The following RGPD2 variants were observed in gnomAD, a reference collection of about 807,000 sequenced individuals.
The protein encoded by RGPD2 is RANBP2-like and GRIP domain-containing protein 2.
Under a neutral mutation model 36.0 loss-of-function variants are expected in RGPD2, and 2 were observed. The ratio of observed to expected loss-of-function variants is 0.06; its 90% CI spans 0.02 to 0.17. The LOEUF (loss-of-function observed/expected upper bound fraction) is 0.17, where lower values mean the gene tolerates loss of function less well. RGPD2 is among the 10% of genes least tolerant of loss of function. RGPD2 has a pLI of 1.00. For missense variants in RGPD2, 40 were observed against 464.3 expected (o/e 0.09, Z 8.40); for synonymous variants, 19 against 163.8 (o/e 0.12, Z 6.75).
the RGPD2 span, among the ~76,000 whole-genome samples, chr2:87,977,516 T>C: frequency 6.6e-6 from 1 of 151,456 alleles, no homozygotes; most frequent in Non-Finnish European, 1.5e-5. Context: ...AAATGGTCAC[T>C]ATATAACATG....
chr2:87,985,764 A>C, the RGPD2 span: 3 of 1,610,104 alleles, frequency 1.9e-6, no homozygotes. Context: ...GTTAAAACCC[A>C]TCACGTTCAT....
At chr2:87,825,907 A>C, upstream of RGPD2, 1 of 789,424 alleles carries the variant, frequency 1.3e-6, no homozygotes, top group Non-Finnish European at 1.9e-6. Context: ...CTCGAGCTGC[A>C]CTCGGCCGGG....
At chr2:87,965,227 TC>T in the RGPD2 span, among the ~76,000 whole-genome samples, 1 of 139,132 alleles carries the variant, frequency 7.2e-6, no homozygotes, top group Non-Finnish European at 1.6e-5. Flanking sequence ...GTGCTTTTTA[TC>T]TTCATCCTTT....
chr2:87,962,413 T>G, the RGPD2 span, among the ~76,000 whole-genome samples: 1 of 151,240 alleles, frequency 6.6e-6, no homozygotes, highest in African/African-American at 2.4e-5. Flanking sequence ...GAACAAGTAT[T>G]GCCTTTCTAA....
the RGPD2 span, among the ~76,000 whole-genome samples, chr2:87,966,571 A>AAATAAAAT: frequency 1.4e-4 from 21 of 151,876 alleles, no homozygotes; most frequent in Non-Finnish European, 2.8e-4. Flanking sequence ...AGAAAAAATA[A>AAATAAAAT]AATAAAATAA....
the RGPD2 span, among the ~76,000 whole-genome samples, chr2:87,864,122 G>T: frequency 6.6e-6 from 1 of 151,930 alleles, no homozygotes; most frequent in Non-Finnish European, 1.5e-5. Context: ...CATTATTGTG[G>T]GTGTTTCCAT....
chr2:87,872,747 G>T, the RGPD2 span, among the ~76,000 whole-genome samples: 2 of 151,424 alleles, frequency 1.3e-5, no homozygotes, highest in South Asian at 4.2e-4. Context: ...TCATCATTCA[G>T]CTCCCACTTA....
chr2:87,972,014 A>G, the RGPD2 span, among the ~76,000 whole-genome samples: 1 of 148,498 alleles, frequency 6.7e-6, no homozygotes, highest in Non-Finnish European at 1.5e-5. Flanking sequence ...CTGTAAAACT[A>G]AAACATAAAC....
the RGPD2 span, among the ~76,000 whole-genome samples, chr2:87,843,762 C>T: frequency 8.5e-5 from 13 of 152,108 alleles, no homozygotes; most frequent in Non-Finnish European, 1.6e-4. Flanking sequence ...CACATGCAGA[C>T]GTATGTTTAT....
chr2:87,919,671 A>G, the RGPD2 span, among the ~76,000 whole-genome samples: 140 of 142,880 alleles, frequency 9.8e-4, 2 homozygotes, highest in Non-Finnish European at 1.6e-3. Context: ...TTGTTTTTGT[A>G]GCATATATAA....
chr2:87,962,336 G>T, the RGPD2 span, among the ~76,000 whole-genome samples: 1 of 151,770 alleles, frequency 6.6e-6, no homozygotes, highest in Non-Finnish European at 1.5e-5. Flanking sequence ...GGAAATTTGG[G>T]CTATTTTGGT....
the RGPD2 span, among the ~76,000 whole-genome samples, chr2:87,873,572 C>T: frequency 2.9e-5 from 4 of 138,168 alleles, no homozygotes; most frequent in Non-Finnish European, 6.2e-5. Context: ...GAAATGGTAT[C>T]TGTATTAGTC....
the RGPD2 span, among the ~76,000 whole-genome samples, chr2:87,873,632 GA>G: frequency 1.3e-5 from 2 of 150,020 alleles, no homozygotes; most frequent in Admixed American, 6.7e-5. Flanking sequence ...AATCTATAAA[GA>G]AAAAAAGGTT....
intron 22 of RGPD2, chr2:87,758,748 A>C: frequency 1.4e-6 from 1 of 695,218 alleles, no homozygotes; most frequent in East Asian, 2.6e-5. Flanking sequence ...CACCTGCTAC[A>C]CACCCCTCAG....
At chr2:87,882,076 A>G in the RGPD2 span, among the ~76,000 whole-genome samples, 5 of 152,200 alleles carry the variant, frequency 3.3e-5, no homozygotes, top group African/African-American at 1.2e-4. Flanking sequence ...CCAAGCCATG[A>G]GGGATCTATC....
the RGPD2 span, among the ~76,000 whole-genome samples, chr2:87,857,516 G>A: frequency 1.3e-5 from 2 of 151,480 alleles, no homozygotes; most frequent in East Asian, 4.0e-4. Context: ...CTAATTTTTT[G>A]TATTTTTAGT....
At chr2:87,873,118 T>G in the RGPD2 span, among the ~76,000 whole-genome samples, 1 of 152,226 alleles carries the variant, frequency 6.6e-6, no homozygotes, top group Non-Finnish European at 1.5e-5. Flanking sequence ...TGCATTAGTT[T>G]GCTGAGGATA....
chr2:87,937,750 T>C, the RGPD2 span, among the ~76,000 whole-genome samples: 11 of 151,820 alleles, frequency 7.2e-5, no homozygotes, highest in African/African-American at 2.2e-4. Flanking sequence ...GTTAGGTAGA[T>C]TGGATAAGTT....
At chr2:87,824,549 TGTC>T (rs1372526337) in intron 1 of RGPD2, among the ~76,000 whole-genome samples, 1 of 151,922 alleles carries the variant, frequency 6.6e-6, no homozygotes, top group Non-Finnish European at 1.5e-5. Flanking sequence ...CACCCTGTTT[TGTC>T]ATTTCACTCA....
Sources: gnomAD v4.1 joint callset for allele counts (sites outside exome capture counted in the v4.1 genomes callset) on GRCh38, gnomAD v4.1.1 for gene constraint, MANE v1.5 for transcripts, NCBI Gene and HGNC (gene_info 2026-07-23, HGNC 2026-07-21) for gene names.